Variants in TMEM132D observed in about 807,000 individuals in gnomAD.
The protein encoded by TMEM132D is transmembrane protein 132D.
Under a neutral mutation model 62.3 loss-of-function variants are expected in TMEM132D, and 21 were observed. The ratio of observed to expected loss-of-function variants is 0.34; its 90% CI spans 0.24 to 0.49. The LOEUF (loss-of-function observed/expected upper bound fraction) is 0.49. TMEM132D is among the 20% of genes least tolerant of loss of function. The probability of loss-of-function intolerance (pLI) is 0.99; values close to 1 mark genes in which losing one functional copy is unlikely to be tolerated. For synonymous variants in TMEM132D, 621 were observed against 575.6 expected (o/e 1.08, Z -1.13); for missense variants, 1,346 against 1,402.8 (o/e 0.96, Z 0.65).
intron 3 of TMEM132D, among the ~76,000 whole-genome samples, chr12:129,454,245 T>C (rs754080305): frequency 1.3e-5 from 2 of 152,228 alleles, no homozygotes; most frequent in African/African-American, 4.8e-5. Context: ...TATGGAATTA[T>C]GGAAAAGATT....
rs1276017190 is a variant in TMEM132D at position 129,089,444 on chromosome 12, G to A, written c.1444-4742C>T. On this transcript the variant is annotated intron_variant, in intron 5 of 8. Transcript: ENST00000422113. Reference sequence around the variant, plus strand: ...CATGACCGGGGTGTCCTCCATGACCGGGGTGTCCTCTATGACCGGGTGTCC... The same window carrying A: ...CATGACCGGGGTGTCCTCCATGACCAGGGTGTCCTCTATGACCGGGTGTCC... Among the ~76,000 whole-genome samples, 11 of 57,666 alleles carry A rather than the reference G, an allele frequency of 1.9e-4. 2 individuals are homozygous for A. Among genetic ancestry groups the A allele is most frequent in the Non-Finnish European group, 2.8e-4 (9 of 32,574 alleles). 37.8% of individuals were successfully genotyped at this position (57,666 alleles called of 152,430 possible).
intron 5 of TMEM132D, among the ~76,000 whole-genome samples, chr12:129,141,136 A>G (rs1876730373): frequency 1.3e-5 from 2 of 152,194 alleles, no homozygotes; most frequent in African/African-American, 4.8e-5. Flanking sequence ...CTTTCTGCGA[A>G]CTCAACATTG....
intron 1 of TMEM132D, among the ~76,000 whole-genome samples, chr12:129,729,816 C>G (rs1055779794): frequency 1.3e-5 from 2 of 152,126 alleles, no homozygotes; most frequent in Non-Finnish European, 2.9e-5. Flanking sequence ...TCGCCAGAAC[C>G]TGATGCTTTG....
intron 2 of TMEM132D, among the ~76,000 whole-genome samples, chr12:129,637,416 T>C (rs1275454406): frequency 6.6e-6 from 1 of 152,152 alleles, no homozygotes; most frequent in African/African-American, 2.4e-5. Context: ...GAGGGGCCTG[T>C]TGGGAGGTGA....
chr12:129,560,040 T>C (rs911137174), intron 2 of TMEM132D, among the ~76,000 whole-genome samples: 3 of 152,158 alleles, frequency 2.0e-5, no homozygotes, highest in African/African-American at 2.4e-5. Context: ...AAAGGAAGCA[T>C]ATTTTAATTC....
At chr12:129,261,899 T>A (rs918204232) in intron 4 of TMEM132D, among the ~76,000 whole-genome samples, 1 of 152,092 alleles carries the variant, frequency 6.6e-6, no homozygotes, top group Non-Finnish European at 1.5e-5. Flanking sequence ...CATAATGAAT[T>A]TGGAGGGGAG....
intron 3 of TMEM132D, among the ~76,000 whole-genome samples, chr12:129,373,709 C>T: frequency 6.6e-6 from 1 of 152,132 alleles, no homozygotes; most frequent in East Asian, 1.9e-4. Flanking sequence ...ATGTTTAAAG[C>T]AGGCATACAC....
chr12:129,203,262 G>A (rs1878758305), intron 5 of TMEM132D, among the ~76,000 whole-genome samples: 1 of 152,186 alleles, frequency 6.6e-6, no homozygotes, highest in Non-Finnish European at 1.5e-5. Context: ...AATGTTATCT[G>A]ACCACATGAC....
intron 1 of TMEM132D, among the ~76,000 whole-genome samples, chr12:129,700,979 G>A (rs995029491): frequency 4.1e-4 from 63 of 152,230 alleles, no homozygotes; most frequent in African/African-American, 1.4e-3. Flanking sequence ...ATTTCCACTC[G>A]TGATAATGGT....
chr12:129,607,610 G>A (rs1315367297), intron 2 of TMEM132D, among the ~76,000 whole-genome samples: 1 of 152,200 alleles, frequency 6.6e-6, no homozygotes, highest in African/African-American at 2.4e-5. Context: ...CTACCACCCA[G>A]GAGGCCAGAC....
rs955011362 is a variant in TMEM132D at position 129,693,143 on chromosome 12, G to A, written c.968+6667C>T. Among the ~76,000 whole-genome samples, 6 of 152,092 alleles carry A rather than the reference G, an allele frequency of 3.9e-5. No individual in the cohort carries two copies. The South Asian group carries it at 6.2e-4, about 16-fold the overall frequency. On this transcript the variant is annotated intron_variant, in intron 2 of 8. Coordinates refer to ENST00000422113, the MANE Select transcript of TMEM132D (RefSeq NM_133448.3). ...TATAGGTGACGTCGTACTGAATGTC[G>A]AGAAACTAGATGCTTACTCACTAAG...
chr12:129,407,926 C>A (rs115215594), intron 3 of TMEM132D, among the ~76,000 whole-genome samples: 2,351 of 151,870 alleles, frequency 0.015, 67 homozygotes, highest in African/African-American at 0.053. Flanking sequence ...AGGTAAATGA[C>A]CACAGATGGA....
At chr12:129,179,171 G>C (rs897605843) in intron 5 of TMEM132D, among the ~76,000 whole-genome samples, 2 of 152,170 alleles carry the variant, frequency 1.3e-5, no homozygotes, top group African/African-American at 4.8e-5. Flanking sequence ...GATCTCAAAG[G>C]AGGATGGAAA....
intron 2 of TMEM132D, among the ~76,000 whole-genome samples, chr12:129,655,251 T>C (rs1205459429): frequency 6.8e-6 from 1 of 147,636 alleles, no homozygotes; most frequent in East Asian, 2.0e-4. Context: ...CTAGCCTTTT[T>C]TTTTTTTTCT....
rs374159805 is a variant in TMEM132D, at chr12:129,409,797, G to C, written c.1116-71980C>G. Among the ~76,000 whole-genome samples the C allele has an allele frequency of 2.0e-5, 3 of 152,178 alleles. No individual in the cohort carries two copies. In the East Asian group the frequency reaches 5.8e-4, roughly 29 times the overall value. On this transcript the variant is annotated intron_variant, in intron 3 of 8. Coordinates refer to ENST00000422113, the MANE Select transcript of TMEM132D (RefSeq NM_133448.3). ...GAGCTTCCCCATTGCCTATTCCAGG[G>C]AGCGTAAATACCTCTGATCTGCATA...
chr12:129,099,454 CA>C (rs1437142225), intron 5 of TMEM132D, among the ~76,000 whole-genome samples: 3 of 152,130 alleles, frequency 2.0e-5, no homozygotes, highest in South Asian at 2.1e-4. Flanking sequence ...TGCCAGGTCA[CA>C]AAAAAACCTC....
At chr12:129,347,175 A>G (rs1168974550) in intron 3 of TMEM132D, among the ~76,000 whole-genome samples, 3 of 152,162 alleles carry the variant, frequency 2.0e-5, no homozygotes, top group African/African-American at 7.2e-5. Flanking sequence ...TCAAGCTACC[A>G]TTGACTTTCT....
intron 1 of TMEM132D, among the ~76,000 whole-genome samples, chr12:129,713,327 A>G (rs1005509636): frequency 6.6e-6 from 1 of 152,214 alleles, no homozygotes; most frequent in African/African-American, 2.4e-5. Context: ...GCACAAATAT[A>G]TAAAAATCCA....
chr12:129,656,863 T>C lies in TMEM132D; in HGVS notation c.968+42947A>G, dbSNP rs148139876. ...GTTAAGTATCTCATCTGATGTTACC[T>C]AGCTCAGACTCAAACTCAGACACCC... On this transcript the variant is annotated intron_variant, in intron 2 of 8. Transcript: ENST00000422113. Among the ~76,000 whole-genome samples the C allele has an allele frequency of 5.9e-3, 892 of 152,298 alleles. 13 individuals carry two copies. The highest frequency in any genetic ancestry group is 0.021 in the African/African-American group (854 of 41,558).
Sources: allele counts gnomAD v4.1 joint callset (sites outside exome capture counted in the v4.1 genomes callset), GRCh38; gene constraint gnomAD v4.1.1; transcripts MANE v1.5; gene names NCBI Gene and HGNC (gene_info 2026-07-23, HGNC 2026-07-21).